TOX: variants seen among roughly 807,000 people sequenced by gnomAD.
The protein encoded by TOX is thymocyte selection associated high mobility group box, also known as thymocyte selection-associated high mobility group box protein TOX.
Under a neutral mutation model 53.7 loss-of-function variants are expected in TOX, and 11 were observed. The observed-to-expected ratio is 0.20, with a 90% CI of 0.13 to 0.34. The LOEUF (loss-of-function observed/expected upper bound fraction) is 0.34, where lower values mean the gene tolerates loss of function less well. TOX is among the 10% of genes least tolerant of loss of function. The pLI is 1.00. For synonymous variants in TOX, 225 were observed against 245.3 expected, an observed-to-expected ratio of 0.92 and a Z score of 0.77; for missense variants, 570 against 664.6, an observed-to-expected ratio of 0.86 and a Z score of 1.56.
At chr8:58,863,053 C>T (rs964193309) in intron 3 of TOX, among the ~76,000 whole-genome samples, 5 of 152,000 alleles carry the variant, frequency 3.3e-5, no homozygotes, top group African/African-American at 1.2e-4. Context: ...GGTTTAACAC[C>T]TACCAAATAT....
intron 1 of TOX, among the ~76,000 whole-genome samples, chr8:59,032,229 C>T (rs966890574): frequency 1.3e-5 from 2 of 150,706 alleles, no homozygotes; most frequent in Non-Finnish European, 2.9e-5. Flanking sequence ...GATGGAAATA[C>T]TGGGGAAAGA....
rs1017641836 is a variant in TOX, at chr8:58,848,492, A to G, written c.693+3032T>C. ...CTCAGATAAAACATGGATATTTTCA[A>G]CAGAAAAGCAGAAAGTAAAAGGATA... On this transcript the variant is annotated intron_variant, in intron 4 of 8. Coordinates refer to ENST00000361421, the MANE Select transcript of TOX (RefSeq NM_014729.3). Among the ~76,000 whole-genome samples, 4 of 152,268 alleles carry G rather than the reference A, an allele frequency of 2.6e-5. 1 individual carries two copies. Among genetic ancestry groups the G allele is most frequent in the Middle Eastern group, 6.8e-3 (2 of 294 alleles).
intron 6 of TOX, among the ~76,000 whole-genome samples, chr8:58,824,105 C>T (rs866479988): frequency 6.6e-6 from 1 of 151,992 alleles, no homozygotes; most frequent in Admixed American, 6.6e-5. Context: ...TTTAGGAGTG[C>T]GGGAGAGCAC....
intron 3 of TOX, among the ~76,000 whole-genome samples, chr8:58,885,959 G>T (rs1193427209): frequency 6.6e-6 from 1 of 152,120 alleles, no homozygotes; most frequent in Admixed American, 6.6e-5. Context: ...TCCATCCACA[G>T]TATACTCTTA....
intron 6 of TOX, among the ~76,000 whole-genome samples, chr8:58,823,186 T>C (rs2129165421): frequency 6.6e-6 from 1 of 152,328 alleles, no homozygotes; most frequent in South Asian, 2.1e-4. Context: ...GTCATGTTAA[T>C]TAATCTGCTG....
intron 1 of TOX, among the ~76,000 whole-genome samples, chr8:58,966,431 T>C (rs2129179183): frequency 6.6e-6 from 1 of 152,268 alleles, no homozygotes. Context: ...CCCTCTTGAT[T>C]GGGCTCCTGT....
intron 1 of TOX, among the ~76,000 whole-genome samples, chr8:59,009,370 CTCTT>C (rs1035163021): frequency 8.0e-5 from 12 of 149,408 alleles, no homozygotes; most frequent in Admixed American, 4.0e-4. Flanking sequence ...CTCTCTTTCT[CTCTT>C]TCTTTCTTTC....
intron 1 of TOX, among the ~76,000 whole-genome samples, chr8:59,052,342 A>C (rs190348115): frequency 2.1e-4 from 32 of 152,336 alleles, no homozygotes; most frequent in African/African-American, 6.7e-4. Flanking sequence ...CAAAGCATGC[A>C]GTGAGATTCT....
chr8:59,027,450 G>GT (rs60091622), intron 1 of TOX, among the ~76,000 whole-genome samples: 35,144 of 120,500 alleles, frequency 0.29, 4,625 homozygotes, highest in Non-Finnish European at 0.38. Flanking sequence ...TAGGAACAAG[G>GT]TTTTTTTTTT....
At chr8:58,976,872 G>T (rs997649915) in intron 1 of TOX, among the ~76,000 whole-genome samples, 1 of 152,200 alleles carries the variant, frequency 6.6e-6, no homozygotes, top group Non-Finnish European at 1.5e-5. Context: ...TCAACAGTGG[G>T]CTTAAAATAT....
intron 3 of TOX, among the ~76,000 whole-genome samples, chr8:58,889,997 G>T (rs1466577971): frequency 1.3e-5 from 2 of 152,116 alleles, no homozygotes; most frequent in Non-Finnish European, 2.9e-5. Flanking sequence ...CATAAAGGTT[G>T]GGTGTAAAAA....
chr8:59,067,048 A>G (rs1804105748), intron 1 of TOX, among the ~76,000 whole-genome samples: 1 of 152,190 alleles, frequency 6.6e-6, no homozygotes, highest in Admixed American at 6.5e-5. Context: ...ATACTGAGTT[A>G]CATACCAAGT....
chr8:58,898,209 T>C (rs1284116233), intron 3 of TOX, among the ~76,000 whole-genome samples: 2 of 152,200 alleles, frequency 1.3e-5, no homozygotes, highest in African/African-American at 4.8e-5. Flanking sequence ...AGTTTTATGT[T>C]CAAGTGGGAT....
chr8:58,887,156 G>A (rs1811482536), intron 3 of TOX, among the ~76,000 whole-genome samples: 2 of 151,962 alleles, frequency 1.3e-5, no homozygotes, highest in East Asian at 3.9e-4. Flanking sequence ...ACTGTTGCAT[G>A]TTTGGAATAA....
rs978208568 is a variant in TOX, at chr8:58,990,888, G to A, written c.103-30880C>T. On this transcript the variant is annotated intron_variant, in intron 1 of 8. Coordinates refer to ENST00000361421, the MANE Select transcript of TOX (RefSeq NM_014729.3). ...GTCCATTTCCTTCAGAGCAAATGCT[G>A]TATTTTATCACCTTTAGCTCCTCAA... Among the ~76,000 whole-genome samples, 20 of 152,194 alleles carry A rather than the reference G, an allele frequency of 1.3e-4. 1 individual carries two copies. The highest frequency in any genetic ancestry group is 6.5e-5 in the Admixed American group (1 of 15,292).
chr8:59,003,949 T>C (rs1813742497), intron 1 of TOX, among the ~76,000 whole-genome samples: 1 of 152,332 alleles, frequency 6.6e-6, no homozygotes, highest in African/African-American at 2.4e-5. Flanking sequence ...AGTAAGAGTT[T>C]AACTGCAGCA....
intron 3 of TOX, among the ~76,000 whole-genome samples, chr8:58,874,744 T>G (rs906603934): frequency 6.6e-6 from 1 of 152,192 alleles, no homozygotes; most frequent in African/African-American, 2.4e-5. Context: ...TTCCCATTAT[T>G]GCTGACAACT....
At chr8:58,972,856 T>C (rs1486083899) in intron 1 of TOX, among the ~76,000 whole-genome samples, 1 of 152,216 alleles carries the variant, frequency 6.6e-6, no homozygotes, top group Non-Finnish European at 1.5e-5. Context: ...TAATGTTAGA[T>C]TAAGTAGTTT....
chr8:58,842,547 C>A (rs1810662906), intron 4 of TOX, among the ~76,000 whole-genome samples: 1 of 152,118 alleles, frequency 6.6e-6, no homozygotes, highest in African/African-American at 2.4e-5. Context: ...CCTCTATTGT[C>A]CAAAATTGTG....
Sources: gnomAD v4.1 joint callset for allele counts (sites outside exome capture counted in the v4.1 genomes callset) on GRCh38, gnomAD v4.1.1 for gene constraint, MANE v1.5 for transcripts, NCBI Gene and HGNC (gene_info 2026-07-23, HGNC 2026-07-21) for gene names.